The following MAML3 variants were observed in gnomAD, a reference collection of about 807,000 sequenced individuals.
MAML3 encodes mastermind-like protein 3.
MAML3 carries 27 observed loss-of-function variants against 101.9 expected under a neutral mutation model. The ratio of observed to expected loss-of-function variants is 0.27; its 90% CI spans 0.20 to 0.37. The LOEUF (loss-of-function observed/expected upper bound fraction) is 0.37, where lower values mean the gene tolerates loss of function less well. MAML3 is among the 10% of genes least tolerant of loss of function. The pLI is 1.00. For synonymous variants in MAML3, 501 were observed against 555.9 expected (o/e 0.90, Z 1.39); for missense variants, 1,316 against 1,444.9 (o/e 0.91, Z 1.45).
At chr4:139,980,897 C>G (rs1475047500) in intron 1 of MAML3, among the ~76,000 whole-genome samples, 1 of 152,130 alleles carries the variant, frequency 6.6e-6, no homozygotes, top group Admixed American at 6.5e-5. Context: ...AATTGTGTAG[C>G]CAGAGAATAC....
chr4:140,096,794 C>T (rs1013671293), intron 1 of MAML3, among the ~76,000 whole-genome samples: 6 of 152,060 alleles, frequency 3.9e-5, no homozygotes, highest in Admixed American at 2.6e-4. Flanking sequence ...TTTACCCTCA[C>T]GATGATGAGC....
intron 2 of MAML3, among the ~76,000 whole-genome samples, chr4:139,830,470 A>G (rs1019170506): frequency 1.5e-5 from 2 of 134,262 alleles, no homozygotes; most frequent in African/African-American, 6.0e-5. Flanking sequence ...GCTGGAGTGC[A>G]GTGGTGCGAT....
At chr4:140,047,935 C>A (rs1375888290) in intron 1 of MAML3, among the ~76,000 whole-genome samples, 4 of 152,162 alleles carry the variant, frequency 2.6e-5, no homozygotes, top group African/African-American at 9.7e-5. Context: ...ATAGGCTCTT[C>A]AGACAAGAAC....
At chr4:139,832,286 T>TA (rs200295523) in intron 2 of MAML3, among the ~76,000 whole-genome samples, 2,320 of 145,876 alleles carry the variant, frequency 0.016, 64 homozygotes, top group African/African-American at 0.06. Context: ...TTTTTTATTT[T>TA]TATTTTTAGT....
At chr4:140,051,973 C>T (rs1727276667) in intron 1 of MAML3, among the ~76,000 whole-genome samples, 1 of 152,176 alleles carries the variant, frequency 6.6e-6, no homozygotes, top group African/African-American at 2.4e-5. Flanking sequence ...ACTGATACCT[C>T]ACCCCTGTGT....
chr4:139,852,638 C>A (rs1054332065), intron 2 of MAML3, among the ~76,000 whole-genome samples: 1 of 152,062 alleles, frequency 6.6e-6, no homozygotes, highest in Non-Finnish European at 1.5e-5. Context: ...TGATCTCGAA[C>A]TCCTGGCATC....
At chr4:140,058,225 C>G (rs1727385940) in intron 1 of MAML3, among the ~76,000 whole-genome samples, 1 of 151,876 alleles carries the variant, frequency 6.6e-6, no homozygotes, top group Non-Finnish European at 1.5e-5. Context: ...CCCATGTTTT[C>G]CCTTTGGAAC....
At chr4:140,065,701 C>G (rs1325674451) in intron 1 of MAML3, among the ~76,000 whole-genome samples, 1 of 152,192 alleles carries the variant, frequency 6.6e-6, no homozygotes. Flanking sequence ...TCAAAAGTTA[C>G]AAGTTGTATT....
chr4:140,056,945 C>T (rs1278065370), intron 1 of MAML3, among the ~76,000 whole-genome samples: 1 of 152,088 alleles, frequency 6.6e-6, no homozygotes, highest in African/African-American at 2.4e-5. Context: ...TGGATTATCC[C>T]AACAGTCCTA....
At chr4:139,764,333 C>G (rs1729811764) in intron 2 of MAML3, among the ~76,000 whole-genome samples, 2 of 152,220 alleles carry the variant, frequency 1.3e-5, no homozygotes, top group African/African-American at 4.8e-5. Context: ...GGAAAGGTCC[C>G]TACTTACTCC....
chr4:140,070,191 A>G (rs184541659), intron 1 of MAML3, among the ~76,000 whole-genome samples: 149 of 152,338 alleles, frequency 9.8e-4, no homozygotes, highest in African/African-American at 3.6e-3. Flanking sequence ...GGACAAGGAC[A>G]CTGTCTTGGT....
At chr4:139,807,333 T>C (rs1730719817) in intron 2 of MAML3, among the ~76,000 whole-genome samples, 1 of 152,108 alleles carries the variant, frequency 6.6e-6, no homozygotes, top group African/African-American at 2.4e-5. Context: ...CCAACCTAAG[T>C]GGACCTTATA....
chr4:140,056,702 C>T (rs1281419615), intron 1 of MAML3, among the ~76,000 whole-genome samples: 3 of 150,668 alleles, frequency 2.0e-5, no homozygotes, highest in African/African-American at 4.9e-5. Flanking sequence ...CCCAGCTACT[C>T]GGGAGGCTAA....
intron 1 of MAML3, among the ~76,000 whole-genome samples, chr4:140,093,383 C>CAG (rs1365116733): frequency 6.6e-6 from 1 of 151,534 alleles, no homozygotes; most frequent in Non-Finnish European, 1.5e-5. Context: ...CTCAGTGGAT[C>CAG]CTAACCACAA....
At chr4:139,948,585 G>A (rs1443468486) in intron 1 of MAML3, among the ~76,000 whole-genome samples, 2 of 152,192 alleles carry the variant, frequency 1.3e-5, no homozygotes, top group African/African-American at 2.4e-5. Flanking sequence ...ATTATGAACC[G>A]AATTCCCTAA....
intron 2 of MAML3, among the ~76,000 whole-genome samples, chr4:139,832,716 T>A (rs543642928): frequency 5.9e-5 from 9 of 152,240 alleles, no homozygotes; most frequent in South Asian, 2.1e-4. Context: ...TTAAAAAAAA[T>A]TTTTTTAAGG....
intron 1 of MAML3, among the ~76,000 whole-genome samples, chr4:140,117,273 AT>A (rs1430693381): frequency 6.6e-6 from 1 of 152,062 alleles, no homozygotes; most frequent in Admixed American, 6.6e-5. Flanking sequence ...TCTCCCTCGT[AT>A]TTTCTTACAC....
At position 139,924,334 on chromosome 4, in the gene MAML3, C is replaced by A. The variant is rs180676042; in HGVS notation, c.469-33367G>T. Among the ~76,000 whole-genome samples the A allele has an allele frequency of 3.4e-4, 52 of 152,274 alleles. 1 individual carries two copies. The highest frequency in any genetic ancestry group is 2.7e-3 in the Admixed American group (41 of 15,298). On this transcript the variant is annotated intron_variant, in intron 1 of 4. Coordinates refer to ENST00000509479, the MANE Select transcript of MAML3 (RefSeq NM_018717.5). ...GGCAATCACAAATGGACAGGGTATT[C>A]TTCTTTTAATTGCTTTTTTGTGTGT...
chr4:140,016,763 A>C lies in MAML3; in HGVS notation c.469-125796T>G, dbSNP rs146523649. Among the ~76,000 whole-genome samples, 444 of 152,346 alleles carry C rather than the reference A, an allele frequency of 2.9e-3. 2 individuals carry two copies. The highest frequency in any genetic ancestry group is 5.0e-3 in the Non-Finnish European group (341 of 68,026). ...AACAAACATAAAACAAAACCAAACCAAAAATACCCACCTTTACCTAAACCT... is the reference window on the plus strand; with the variant it reads ...AACAAACATAAAACAAAACCAAACCCAAAATACCCACCTTTACCTAAACCT... On this transcript the variant is annotated intron_variant, in intron 1 of 4. Coordinates refer to ENST00000509479, the MANE Select transcript of MAML3 (RefSeq NM_018717.5).
Sources: gnomAD v4.1 joint callset for allele counts (sites outside exome capture counted in the v4.1 genomes callset) on GRCh38, gnomAD v4.1.1 for gene constraint, MANE v1.5 for transcripts, NCBI Gene and HGNC (gene_info 2026-07-23, HGNC 2026-07-21) for gene names.